IL7: variants seen among roughly 807,000 people sequenced by gnomAD.
IL7 encodes interleukin 7.
IL7 carries 3 observed loss-of-function variants against 21.6 expected under a neutral mutation model. The ratio of observed to expected loss-of-function variants is 0.14; its 90% confidence interval spans 0.06 to 0.36. The LOEUF (loss-of-function observed/expected upper bound fraction) is 0.36. Ranked by LOEUF, IL7 falls within the 10% of genes least tolerant of loss-of-function variation. The pLI, the probability that IL7 is intolerant of heterozygous loss-of-function variation, is 1.00. For missense variants in IL7, 175 were observed against 200.2 expected, an observed-to-expected ratio of 0.87 and a Z score of 0.76; for synonymous variants, 62 against 68.1, an observed-to-expected ratio of 0.91 and a Z score of 0.44.
At chr8:78,689,419 G>A (rs1487792140) in intron 3 of IL7, 1 of 1,493,060 alleles carries the variant, frequency 6.7e-7, no homozygotes, top group Non-Finnish European at 8.9e-7. Context: ...AATGGCTCAT[G>A]GACATTCATA....
intron 2 of IL7, among the ~76,000 whole-genome samples, chr8:78,779,181 A>T (rs1813233228): frequency 6.6e-6 from 1 of 152,172 alleles, no homozygotes; most frequent in African/African-American, 2.4e-5. Context: ...AAATCACATC[A>T]TCGGCAAACA....
In IL7 at chr8:78,739,902, A is replaced by G. The variant is rs1029342638; in HGVS notation, c.228+100T>C. 1.5e-5 allele frequency: 16 copies of G among 1,037,132 alleles called. No homozygotes were observed. The African/African-American group carries it at 1.9e-4, about 12-fold the overall frequency. 64.2% of individuals were successfully genotyped at this position (1,037,132 alleles called of 1,614,324 possible). ...ATGGGAATTATGTGATCAGGCTGCA[A>G]ATATTAATAGTATTCATATAATTGT... On this transcript the variant is annotated intron_variant, in intron 3 of 5. Coordinates refer to ENST00000263851, the MANE Select transcript of IL7 (RefSeq NM_000880.4).
chr8:78,773,498 G>C (rs1813030412), intron 2 of IL7, among the ~76,000 whole-genome samples: 1 of 152,064 alleles, frequency 6.6e-6, no homozygotes, highest in Admixed American at 6.6e-5. Flanking sequence ...AACAGCAAAG[G>C]CACTGAGGTA....
chr8:78,764,411 A>G (rs1427988069), intron 2 of IL7, among the ~76,000 whole-genome samples: 1 of 152,134 alleles, frequency 6.6e-6, no homozygotes, highest in Non-Finnish European at 1.5e-5. Context: ...TTTGCAGATG[A>G]TATAATTGTC....
At chr8:78,777,137 A>G (rs1269263654) in intron 2 of IL7, among the ~76,000 whole-genome samples, 1 of 152,112 alleles carries the variant, frequency 6.6e-6, no homozygotes, top group Non-Finnish European at 1.5e-5. Flanking sequence ...ATTCACCTCT[A>G]TCTGCACATG....
At position 78,798,103 on chromosome 8, in the gene IL7, C is replaced by T. The variant is rs1044841214; in HGVS notation, c.116G>A (p.Ser39Asn). Residue 39 changes from serine to asparagine, a missense_variant, in exon 2 of 6, where the codon AGT becomes AAT. Physicochemically the swap from Ser to Asn is conservative, Grantham distance 46 (BLOSUM62 1). Transcript: ENST00000263851. ...IEGKDGKQYESVLMVSIDQLL... is the reference protein window; with the variant it reads ...IEGKDGKQYENVLMVSIDQLL... ...TTGATCGATGCTGACCATTAGAACA[C>T]TCTCATATTGTTTGCCATCTTTACC... 10 of 1,612,086 alleles carry T rather than the reference C, an allele frequency of 6.2e-6. No individual in the cohort carries two copies. The highest frequency in any genetic ancestry group is 8.5e-6 in the Non-Finnish European group (10 of 1,178,642).
At chr8:78,723,858 A>G (rs185655216) in intron 3 of IL7, 385 of 227,410 alleles carry the variant, frequency 1.7e-3, no homozygotes, top group Admixed American at 2.8e-3. Context: ...GTTTTAAGGA[A>G]ACATGCATTT....
chr8:78,717,955 A>G (rs1811158082), exon 7 of IL7: 1 of 152,718 alleles, frequency 6.5e-6, no homozygotes, highest in Non-Finnish European at 1.5e-5. Flanking sequence ...GAATTTTGTA[A>G]TTAAAGAGAA....
chr8:78,737,526 G>A (rs1013364614), intron 4 of IL7, among the ~76,000 whole-genome samples: 4 of 152,006 alleles, frequency 2.6e-5, no homozygotes, highest in Admixed American at 2.6e-4. Flanking sequence ...AAATAAGTTT[G>A]GCAAATCCAG....
chr8:78,710,652 G>GA (rs1171068106), intron 3 of IL7, among the ~76,000 whole-genome samples: 2 of 151,940 alleles, frequency 1.3e-5, no homozygotes, highest in African/African-American at 2.4e-5. Flanking sequence ...CTGTTTGGAA[G>GA]AAAAATGTTT....
intron 4 of IL7, among the ~76,000 whole-genome samples, chr8:78,685,271 C>T (rs6985906): frequency 0.016 from 2,443 of 152,048 alleles, 57 homozygotes; most frequent in African/African-American, 0.055. Context: ...AAAAAATAAG[C>T]GAAATTTGAT....
intron 5 of IL7, 22 bp downstream of exon 5, chr8:78,736,452 A>G: frequency 1.3e-6 from 2 of 1,524,596 alleles, no homozygotes; most frequent in Non-Finnish European, 1.8e-6. Flanking sequence ...AACCATAAGG[A>G]AAATTATACA....
chr8:78,786,332 A>G (rs1296288750), intron 2 of IL7, among the ~76,000 whole-genome samples: 1 of 152,228 alleles, frequency 6.6e-6, no homozygotes, highest in African/African-American at 2.4e-5. Flanking sequence ...ATATCTAAAT[A>G]TAGAACAGGT....
At chr8:78,684,735 A>G (rs995322917) in intron 4 of IL7, among the ~76,000 whole-genome samples, 5 of 152,252 alleles carry the variant, frequency 3.3e-5, no homozygotes, top group African/African-American at 1.2e-4. Flanking sequence ...AGACATAGCA[A>G]TGAGGAAAGG....
chr8:78,798,789 T>C (rs1053258980), intron 1 of IL7, among the ~76,000 whole-genome samples: 1 of 152,046 alleles, frequency 6.6e-6, no homozygotes, highest in Non-Finnish European at 1.5e-5. Context: ...TTTATGTTTG[T>C]ATTTTGGGAC....
chr8:78,743,110 G>A (rs769722190), intron 2 of IL7, among the ~76,000 whole-genome samples: 1 of 152,108 alleles, frequency 6.6e-6, no homozygotes, highest in African/African-American at 2.4e-5. Flanking sequence ...TGGTGTATAC[G>A]TACCACATTT....
intron 2 of IL7, among the ~76,000 whole-genome samples, chr8:78,750,987 T>TA (rs1446515830): frequency 6.6e-6 from 1 of 150,884 alleles, no homozygotes; most frequent in Non-Finnish European, 1.5e-5. Context: ...AGAAAGAAAA[T>TA]ATGCCTTTGA....
At chr8:78,683,396 C>T (rs1809853854) in intron 4 of IL7, among the ~76,000 whole-genome samples, 1 of 152,268 alleles carries the variant, frequency 6.6e-6, no homozygotes, top group African/African-American at 2.4e-5. Context: ...CTCTTGATTT[C>T]TGTGCACCTG....
intron 4 of IL7, among the ~76,000 whole-genome samples, chr8:78,677,348 A>G (rs148888316): frequency 6.8e-6 from 1 of 147,432 alleles, no homozygotes; most frequent in Non-Finnish European, 1.5e-5. Context: ...TGAATGGACA[A>G]CTCTTTAAAA....
Sources: gnomAD v4.1 joint callset for allele counts (sites outside exome capture counted in the v4.1 genomes callset) on GRCh38, gnomAD v4.1.1 for gene constraint, MANE v1.5 for transcripts, NCBI Gene and HGNC (gene_info 2026-07-23, HGNC 2026-07-21) for gene names.